Variants in MYO1D observed in about 807,000 individuals in gnomAD.
The protein encoded by MYO1D is myosin ID.
A neutral mutation model predicts 122.0 loss-of-function variants in MYO1D; 83 were observed. The observed-to-expected ratio is 0.68, with a 90% CI of 0.57 to 0.82. The LOEUF (loss-of-function observed/expected upper bound fraction) is 0.82. Among genes scored for constraint, MYO1D ranks in the 40% least tolerant of loss-of-function variants. MYO1D has a pLI of 0.00. For synonymous variants in MYO1D, 464 were observed against 446.9 expected (o/e 1.04, Z -0.48); for missense variants, 1,157 against 1,269.5 (o/e 0.91, Z 1.35).
chr17:32,685,798 T>A (rs2088996907), intron 16 of MYO1D, among the ~76,000 whole-genome samples: 1 of 152,252 alleles, frequency 6.6e-6, no homozygotes, highest in African/African-American at 2.4e-5. Context: ...TAAGTTATTG[T>A]CATCTACAGA....
rs58466009 is a variant in MYO1D at position 32,818,125 on chromosome 17, C to CAAAAA, written c.96-37346_96-37342dup. ...TGGGCGACAGAGCGAGACTCCGTCT[C>CAAAAA]AAAAAAAAAAAAAAAAAAAAGAGGT... On this transcript the variant is annotated intron_variant, in intron 1 of 21. Transcript: ENST00000318217. 6.7e-4 allele frequency among the ~76,000 whole-genome samples: 31 copies of CAAAAA among 45,988 alleles called. 1 individual carries two copies. The highest frequency in any genetic ancestry group is 1.5e-3 in the African/African-American group (22 of 14,996). 30.2% of individuals were successfully genotyped at this position (45,988 alleles called of 152,430 possible).
At position 32,721,174 on chromosome 17, in the gene MYO1D, G is replaced by T. The variant is rs772153912; in HGVS notation, c.1762C>A (p.Arg588Ser). The T allele has an allele frequency of 3.7e-6, 6 of 1,613,532 alleles. No homozygotes were observed. The highest frequency in any genetic ancestry group is 5.1e-6 in the Non-Finnish European group (6 of 1,179,810). Residue 588 changes from arginine (R) to serine (S), a missense_variant, in exon 15 of 22, where the codon CGT (arginine) becomes AGT (serine). By Grantham distance (110) the Arg-to-Ser change is moderately radical. Coordinates refer to ENST00000318217, the MANE Select transcript of MYO1D (RefSeq NM_015194.3). ...NLASKEPYYV[R>S]CIKPNDKKSP... is the part of the protein sequence containing the mutation. ...TTCTTGTCATTGGGTTTGATGCAAC[G>T]AACGTAATATGGTTCCTAAAGAAAT...
chr17:32,821,188 C>G (rs1430940959), intron 1 of MYO1D, among the ~76,000 whole-genome samples: 1 of 152,116 alleles, frequency 6.6e-6, no homozygotes, highest in Non-Finnish European at 1.5e-5. Flanking sequence ...ATCCATGGCC[C>G]TGCAAGGGAC....
At chr17:32,700,352 C>T (rs915740036) in intron 16 of MYO1D, among the ~76,000 whole-genome samples, 3 of 152,206 alleles carry the variant, frequency 2.0e-5, no homozygotes, top group African/African-American at 7.2e-5. Context: ...AATGCCGCTG[C>T]TGATCTGATA....
chr17:32,836,076 G>A (rs925970268), intron 1 of MYO1D, among the ~76,000 whole-genome samples: 1 of 152,000 alleles, frequency 6.6e-6, no homozygotes, highest in African/African-American at 2.4e-5. Flanking sequence ...CATATATTTT[G>A]GTAAATTAGT....
chr17:32,682,433 T>G (rs1204710873), intron 16 of MYO1D, among the ~76,000 whole-genome samples: 7 of 148,802 alleles, frequency 4.7e-5, no homozygotes, highest in African/African-American at 1.2e-4. Flanking sequence ...AGGAGCTCTT[T>G]TAGGGCAGGC....
chr17:32,823,779 A>G (rs139671875), intron 1 of MYO1D, among the ~76,000 whole-genome samples: 39 of 152,302 alleles, frequency 2.6e-4, no homozygotes, highest in African/African-American at 9.4e-4. Flanking sequence ...CTATTTAAGA[A>G]GTACTAGGCT....
At chr17:32,712,332 A>T (rs1388327623) in intron 15 of MYO1D, 137 bp from the exon 16 acceptor site, 1 of 754,874 alleles carries the variant, frequency 1.3e-6, no homozygotes, top group Admixed American at 2.8e-5. Flanking sequence ...TTAGCCTCAT[A>T]AGGTATGCAA....
At chr17:32,614,902 G>A (rs1234073215) in intron 20 of MYO1D, among the ~76,000 whole-genome samples, 4 of 152,180 alleles carry the variant, frequency 2.6e-5, no homozygotes, top group East Asian at 1.9e-4. Context: ...TGCCAGCCGG[G>A]GCCAGACAAG....
intron 17 of MYO1D, among the ~76,000 whole-genome samples, chr17:32,656,072 T>C (rs1176002464): frequency 2.6e-5 from 4 of 152,124 alleles, no homozygotes; most frequent in Admixed American, 1.3e-4. Flanking sequence ...CAGGTACAAG[T>C]TCTCTTATGC....
At chr17:32,851,018 A>ACAAAAAC (rs1168027277) in intron 1 of MYO1D, among the ~76,000 whole-genome samples, 1 of 152,140 alleles carries the variant, frequency 6.6e-6, no homozygotes, top group Admixed American at 6.5e-5. Context: ...AACAACAACA[A>ACAAAAAC]CAAAAACTCA....
chr17:32,737,947 T>C (rs1291491357), intron 14 of MYO1D, among the ~76,000 whole-genome samples: 1 of 152,264 alleles, frequency 6.6e-6, no homozygotes, highest in East Asian at 1.9e-4. Flanking sequence ...AGCACAGCGC[T>C]AAAGTTCCTT....
chr17:32,751,868 T>G (rs2089902613), intron 11 of MYO1D, among the ~76,000 whole-genome samples: 1 of 152,134 alleles, frequency 6.6e-6, no homozygotes, highest in South Asian at 2.1e-4. Context: ...AATCTAAAAA[T>G]TCAATGCATT....
At position 32,789,931 on chromosome 17, in the gene MYO1D, C is replaced by G. The variant is rs1440997203; in HGVS notation, c.96-9147G>C. On this transcript the variant is annotated intron_variant, in intron 1 of 21. Transcript: ENST00000318217. Reference sequence around the variant, plus strand: ...AATACACTTCTTTATTTTAAGCCCCCCTGGTTTGTGGTAATTTGTTACAGT... The same window carrying G: ...AATACACTTCTTTATTTTAAGCCCCGCTGGTTTGTGGTAATTTGTTACAGT... 2.0e-5 allele frequency among the ~76,000 whole-genome samples: 3 copies of G among 152,114 alleles called. 1 individual carries two copies. The highest frequency in any genetic ancestry group is 4.4e-5 in the Non-Finnish European group (3 of 68,028).
At chr17:32,832,168 C>T (rs2090776974) in intron 1 of MYO1D, among the ~76,000 whole-genome samples, 3 of 151,750 alleles carry the variant, frequency 2.0e-5, no homozygotes, top group Admixed American at 2.0e-4. Flanking sequence ...GGCAATGGTA[C>T]AATCATGGCT....
intron 8 of MYO1D, among the ~76,000 whole-genome samples, chr17:32,761,945 G>C (rs9906477): frequency 0.036 from 5,477 of 152,122 alleles, 329 homozygotes; most frequent in African/African-American, 0.12. Flanking sequence ...TAGTCTCAAT[G>C]TCCAAGAAAC....
At chr17:32,784,959 G>C (rs533529736) in intron 1 of MYO1D, among the ~76,000 whole-genome samples, 26 of 152,244 alleles carry the variant, frequency 1.7e-4, no homozygotes, top group African/African-American at 6.0e-4. Context: ...CCAGGCTTAG[G>C]GAGTTTACAT....
intron 14 of MYO1D, among the ~76,000 whole-genome samples, chr17:32,733,078 C>T (rs944020337): frequency 3.3e-5 from 5 of 152,174 alleles, no homozygotes; most frequent in Non-Finnish European, 5.9e-5. Flanking sequence ...ACCTTATGCT[C>T]GCTCATTCAC....
intron 21 of MYO1D, among the ~76,000 whole-genome samples, chr17:32,594,905 A>AG (rs1471088137): frequency 1.3e-5 from 2 of 152,158 alleles, no homozygotes; most frequent in African/African-American, 4.8e-5. Context: ...TTGTCAGCTC[A>AG]CTGACAAGGA....
Sources: gnomAD v4.1 joint callset for allele counts (sites outside exome capture counted in the v4.1 genomes callset) on GRCh38, gnomAD v4.1.1 for gene constraint, MANE v1.5 for transcripts, NCBI Gene and HGNC (gene_info 2026-07-23, HGNC 2026-07-21) for gene names.